GNAT3: variants seen among roughly 807,000 people sequenced by gnomAD.
The protein encoded by GNAT3 is guanine nucleotide-binding protein G(t) subunit alpha-3.
Under a neutral mutation model 37.7 loss-of-function variants are expected in GNAT3, and 31 were observed. The observed-to-expected ratio is 0.82, with a 90% CI of 0.62 to 1.11. GNAT3 has a LOEUF of 1.11. Ranked by LOEUF, GNAT3 falls within the 50% of genes most tolerant of loss-of-function variation. The pLI, the probability that GNAT3 is intolerant of heterozygous loss-of-function variation, is 0.00. For missense variants in GNAT3, 437 were observed against 412.5 expected, an observed-to-expected ratio of 1.06 and a Z score of -0.51; for synonymous variants, 138 against 139.8, an observed-to-expected ratio of 0.99 and a Z score of 0.09.
chr7:80,459,351 C>G (rs1190593034), intron 7 of GNAT3, among the ~76,000 whole-genome samples: 2 of 152,126 alleles, frequency 1.3e-5, no homozygotes, highest in Admixed American at 1.3e-4. Context: ...GGTCGGGAAA[C>G]AGACTGAGCT....
chr7:80,506,308 T>A (rs1203754565), intron 1 of GNAT3, among the ~76,000 whole-genome samples: 1 of 152,196 alleles, frequency 6.6e-6, no homozygotes, highest in Non-Finnish European at 1.5e-5. Context: ...TGGCTAAGTG[T>A]GGAATGTTTT....
chr7:80,461,954 T>A (rs1790057591), intron 7 of GNAT3, among the ~76,000 whole-genome samples: 1 of 152,204 alleles, frequency 6.6e-6, no homozygotes, highest in Non-Finnish European at 1.5e-5. Context: ...TTCCAGTTTA[T>A]TTTATTAGGG....
intron 5 of GNAT3, among the ~76,000 whole-genome samples, chr7:80,470,675 C>T (rs184344815): frequency 6.6e-6 from 1 of 152,072 alleles, no homozygotes; most frequent in African/African-American, 2.4e-5. Context: ...AATAGCTCAC[C>T]TTCCTATATG....
chr7:80,500,913 G>A (rs1384336684), intron 1 of GNAT3, among the ~76,000 whole-genome samples: 1 of 149,812 alleles, frequency 6.7e-6, no homozygotes. Context: ...TTCTCTTTTT[G>A]CATTTTATGT....
At chr7:80,459,999 C>T (rs1347653391) in intron 7 of GNAT3, among the ~76,000 whole-genome samples, 1 of 152,186 alleles carries the variant, frequency 6.6e-6, no homozygotes, top group African/African-American at 2.4e-5. Flanking sequence ...TACCTAGAAA[C>T]TTATGTCTAC....
chr7:80,460,604 C>T (rs188525792), intron 7 of GNAT3, among the ~76,000 whole-genome samples: 23 of 152,064 alleles, frequency 1.5e-4, no homozygotes, highest in East Asian at 1.4e-3. Flanking sequence ...AATAATTAGC[C>T]GGGCGTGGTG....
At chr7:80,487,334 G>GT (rs1261908168) in intron 3 of GNAT3, among the ~76,000 whole-genome samples, 3 of 152,158 alleles carry the variant, frequency 2.0e-5, no homozygotes, top group Non-Finnish European at 4.4e-5. Context: ...GAGGGAAACT[G>GT]TAGCCAGAGA....
At chr7:80,469,565 C>T (rs560528753) in intron 5 of GNAT3, among the ~76,000 whole-genome samples, 39 of 152,212 alleles carry the variant, frequency 2.6e-4, no homozygotes, top group Admixed American at 4.6e-4. Flanking sequence ...AGATGATACA[C>T]AATTATGATA....
At chr7:80,494,164 G>A (rs1471769529) in intron 2 of GNAT3, among the ~76,000 whole-genome samples, 1 of 152,086 alleles carries the variant, frequency 6.6e-6, no homozygotes, top group Non-Finnish European at 1.5e-5. Context: ...AAAAAGTAGA[G>A]AAACAAATGC....
intron 3 of GNAT3, among the ~76,000 whole-genome samples, chr7:80,481,297 G>C (rs116945443): frequency 6.6e-6 from 1 of 151,976 alleles, no homozygotes; most frequent in Non-Finnish European, 1.5e-5. Context: ...TCTAAGCCCC[G>C]CAACCAACAG....
chr7:80,500,648 T>C (rs541105376), intron 1 of GNAT3, among the ~76,000 whole-genome samples: 2 of 152,236 alleles, frequency 1.3e-5, no homozygotes, highest in South Asian at 2.1e-4. Context: ...TTAGGTATGA[T>C]AGTTACTGAA....
chr7:80,461,933 C>T (rs1790057171), intron 7 of GNAT3, among the ~76,000 whole-genome samples: 1 of 152,138 alleles, frequency 6.6e-6, no homozygotes, highest in African/African-American at 2.4e-5. Context: ...AACCCTGGTC[C>T]ATCTAACCCC....
At chr7:80,483,184 G>T (rs1170583593) in intron 3 of GNAT3, among the ~76,000 whole-genome samples, 1 of 152,058 alleles carries the variant, frequency 6.6e-6, no homozygotes, top group Non-Finnish European at 1.5e-5. Flanking sequence ...GTTTTTAAAA[G>T]CTTCAAGGTG....
chr7:80,503,754 A>G (rs866315840), intron 1 of GNAT3, among the ~76,000 whole-genome samples: 23 of 152,228 alleles, frequency 1.5e-4, no homozygotes, highest in Non-Finnish European at 2.2e-4. Flanking sequence ...GAGATCTCCC[A>G]AAGTGTGATC....
intron 1 of GNAT3, among the ~76,000 whole-genome samples, chr7:80,505,824 T>C (rs568189068): frequency 4.6e-5 from 7 of 152,214 alleles, no homozygotes; most frequent in Non-Finnish European, 1.0e-4. Context: ...ATCTTATGGA[T>C]TCTTAAACTC....
intron 3 of GNAT3, among the ~76,000 whole-genome samples, chr7:80,481,650 C>T (rs1307324100): frequency 6.6e-6 from 1 of 151,946 alleles, no homozygotes; most frequent in Non-Finnish European, 1.5e-5. Flanking sequence ...TGTAGAGAAG[C>T]CCCTTCCCTT....
chr7:80,472,374 A>G (rs920678658), intron 5 of GNAT3, among the ~76,000 whole-genome samples: 3 of 152,174 alleles, frequency 2.0e-5, no homozygotes, highest in African/African-American at 7.2e-5. Flanking sequence ...ATTTATGAGC[A>G]TGCTGCAGGG....
intron 5 of GNAT3, among the ~76,000 whole-genome samples, chr7:80,469,400 T>A (rs370523735): frequency 8.5e-5 from 13 of 152,186 alleles, no homozygotes; most frequent in African/African-American, 3.1e-4. Flanking sequence ...AGTTATTTGT[T>A]CTGAGGAATT....
chr7:80,484,010 A>C (rs575396317), intron 3 of GNAT3, among the ~76,000 whole-genome samples: 2 of 152,216 alleles, frequency 1.3e-5, no homozygotes, highest in Non-Finnish European at 2.9e-5. Flanking sequence ...TCTGGGATAC[A>C]TGTGCAGAAC....
Sources: allele counts gnomAD v4.1 joint callset (sites outside exome capture counted in the v4.1 genomes callset), GRCh38; gene constraint gnomAD v4.1.1; transcripts MANE v1.5; gene names NCBI Gene and HGNC (gene_info 2026-07-23, HGNC 2026-07-21).